Variants in SYNPR observed in about 807,000 individuals in gnomAD.
SYNPR encodes the protein synaptoporin.
A neutral mutation model predicts 32.9 loss-of-function variants in SYNPR; 23 were observed. The observed-to-expected ratio is 0.70, with a 90% CI of 0.50 to 0.99. SYNPR has a LOEUF of 0.99. Among genes scored for constraint, SYNPR ranks in the 50% least tolerant of loss-of-function variants. The probability of loss-of-function intolerance (pLI) is 0.00; values close to 1 mark genes in which losing one functional copy is unlikely to be tolerated. For missense variants in SYNPR, 318 were observed against 349.3 expected (o/e 0.91, Z 0.71); for synonymous variants, 146 against 135.9 (o/e 1.07, Z -0.52).
chr3:63,592,136 G>A (rs1329691389), intron 4 of SYNPR, among the ~76,000 whole-genome samples: 1 of 152,032 alleles, frequency 6.6e-6, no homozygotes, highest in Non-Finnish European at 1.5e-5. Context: ...AGCAGAGACT[G>A]GAGCGGTGCA....
At chr3:63,449,345 A>T (rs1700338352) in intron 2 of SYNPR, among the ~76,000 whole-genome samples, 1 of 152,186 alleles carries the variant, frequency 6.6e-6, no homozygotes, top group Non-Finnish European at 1.5e-5. Context: ...AACAAGATAC[A>T]CTAGTTCCTG....
intron 2 of SYNPR, among the ~76,000 whole-genome samples, chr3:63,256,350 G>A (rs1164714605): frequency 1.3e-5 from 2 of 152,122 alleles, no homozygotes; most frequent in South Asian, 2.1e-4. Context: ...TCACATGGCC[G>A]GGTACTCCTC....
chr3:63,471,239 T>C (rs1011655409), intron 2 of SYNPR, among the ~76,000 whole-genome samples: 2 of 152,224 alleles, frequency 1.3e-5, no homozygotes, highest in Admixed American at 1.3e-4. Context: ...CAGGTAGTTA[T>C]ATATTGTAGA....
chr3:63,331,120 C>A (rs2106983407), intron 2 of SYNPR, among the ~76,000 whole-genome samples: 1 of 152,276 alleles, frequency 6.6e-6, no homozygotes, highest in Non-Finnish European at 1.5e-5. Context: ...CCACACTGTG[C>A]CTAGGACAGA....
At chr3:63,425,715 CAG>C (rs892597398) in intron 2 of SYNPR, among the ~76,000 whole-genome samples, 2 of 150,938 alleles carry the variant, frequency 1.3e-5, no homozygotes, top group African/African-American at 4.9e-5. Context: ...ATATGTGAAA[CAG>C]GGATAAAAAT....
chr3:63,239,001 C>G (rs7616028), intron 1 of SYNPR, among the ~76,000 whole-genome samples: 4 of 151,986 alleles, frequency 2.6e-5, no homozygotes, highest in Non-Finnish European at 4.4e-5. Flanking sequence ...GGTTTAAACA[C>G]AACCAAGATT....
At chr3:63,470,327 G>T (rs772290179) in intron 2 of SYNPR, among the ~76,000 whole-genome samples, 24 of 151,950 alleles carry the variant, frequency 1.6e-4, no homozygotes, top group Non-Finnish European at 1.3e-4. Flanking sequence ...ATATTGATTG[G>T]ATACCTCATA....
At chr3:63,496,876 T>A (rs1263445627) in intron 3 of SYNPR, among the ~76,000 whole-genome samples, 1 of 152,154 alleles carries the variant, frequency 6.6e-6, no homozygotes, top group Non-Finnish European at 1.5e-5. Context: ...CAACTCACTT[T>A]CAGTATGGTA....
chr3:63,375,563 G>A (rs528061693), intron 2 of SYNPR, among the ~76,000 whole-genome samples: 39 of 152,168 alleles, frequency 2.6e-4, no homozygotes, highest in African/African-American at 9.2e-4. Context: ...ACACACTGGG[G>A]CCTGTCATAG....
intron 4 of SYNPR, among the ~76,000 whole-genome samples, chr3:63,563,653 G>T (rs1182312659): frequency 1.3e-5 from 2 of 151,460 alleles, no homozygotes; most frequent in Non-Finnish European, 2.9e-5. Context: ...ATTTTAATAG[G>T]TAATAAGTGT....
At chr3:63,421,383 C>A (rs1699795609) in intron 2 of SYNPR, among the ~76,000 whole-genome samples, 2 of 148,924 alleles carry the variant, frequency 1.3e-5, no homozygotes. Context: ...AATATATAGA[C>A]AAAATATAGT....
chr3:63,316,773 G>T (rs1244923891), intron 2 of SYNPR, among the ~76,000 whole-genome samples: 1 of 151,616 alleles, frequency 6.6e-6, no homozygotes, highest in African/African-American at 2.4e-5. Flanking sequence ...ATTCTGCTGG[G>T]TTAGGGGTTG....
intron 1 of SYNPR, among the ~76,000 whole-genome samples, chr3:63,232,530 C>T (rs2086174376): frequency 6.6e-6 from 1 of 152,152 alleles, no homozygotes; most frequent in African/African-American, 2.4e-5. Flanking sequence ...ATTAAAAGAA[C>T]TAAAATGTGA....
intron 2 of SYNPR, among the ~76,000 whole-genome samples, chr3:63,307,150 G>A (rs73123117): frequency 0.048 from 7,231 of 152,044 alleles, 241 homozygotes; most frequent in Middle Eastern, 0.096. Context: ...TAATCCAGAA[G>A]AGGAGATAGA....
the SYNPR span, among the ~76,000 whole-genome samples, chr3:63,210,745 C>T: frequency 6.6e-6 from 1 of 152,084 alleles, no homozygotes; most frequent in Admixed American, 6.6e-5. Flanking sequence ...TTCAAACTAT[C>T]TTTCCCTTTC....
chr3:63,408,151 AAAG>A (rs1357846947), intron 2 of SYNPR, among the ~76,000 whole-genome samples: 1 of 44,926 alleles, frequency 2.2e-5, no homozygotes, highest in Non-Finnish European at 4.9e-5. Flanking sequence ...GAAAAGAAAG[AAAG>A]AAAGAAAGAA....
intron 2 of SYNPR, among the ~76,000 whole-genome samples, chr3:63,257,202 G>A (rs1257334718): frequency 1.3e-5 from 2 of 152,030 alleles, no homozygotes; most frequent in African/African-American, 4.8e-5. Flanking sequence ...AATTCAAATT[G>A]AGGAAATATA....
intron 3 of SYNPR, among the ~76,000 whole-genome samples, chr3:63,555,164 T>C (rs908847903): frequency 3.3e-5 from 5 of 151,944 alleles, no homozygotes; most frequent in African/African-American, 4.8e-5. Context: ...TGAAGAGAGA[T>C]AGTTTGACTT....
Position 63,452,105 on chromosome 3 carries a change from T to C in SYNPR, c.85-28727T>C. On this transcript the variant is annotated intron_variant, in intron 2 of 5. Coordinates refer to ENST00000478300, the MANE Select transcript of SYNPR (RefSeq NM_001130003.2). The stretch of plus-strand genomic sequence containing the variant: ...TTCTCAAACGTTTTTTCTCTGGATC[T>C]CTTCAAAAAGGCAAGAATGTTTTCT... 4.3e-6 allele frequency: 3 copies of C among 702,180 alleles called. No individual in the cohort carries two copies. In the South Asian group the frequency reaches 4.4e-5, roughly 10 times the overall value. The allele number at this position is 702,180 out of a possible 1,614,324, so 43.5% of individuals were successfully genotyped here.
Sources: gnomAD v4.1 joint callset for allele counts (sites outside exome capture counted in the v4.1 genomes callset) on GRCh38, gnomAD v4.1.1 for gene constraint, MANE v1.5 for transcripts, NCBI Gene and HGNC (gene_info 2026-07-23, HGNC 2026-07-21) for gene names.